ARHGEF18: variants seen among roughly 807,000 people sequenced by gnomAD.
The protein encoded by ARHGEF18 is rho guanine nucleotide exchange factor 18.
A neutral mutation model predicts 155.7 loss-of-function variants in ARHGEF18; 93 were observed. That is an observed-to-expected ratio of 0.60 (90% CI 0.50 to 0.71). The LOEUF (loss-of-function observed/expected upper bound fraction) is 0.71, where lower values mean the gene tolerates loss of function less well. Among genes scored for constraint, ARHGEF18 ranks in the 30% least tolerant of loss-of-function variants. The probability of loss-of-function intolerance (pLI) is 0.00; values close to 1 mark genes in which losing one functional copy is unlikely to be tolerated. For missense variants in ARHGEF18, 1,593 were observed against 1,816.1 expected, an observed-to-expected ratio of 0.88 and a Z score of 2.23; for synonymous variants, 742 against 753.1, an observed-to-expected ratio of 0.99 and a Z score of 0.24.
intron 10 of ARHGEF18, among the ~76,000 whole-genome samples, chr19:7,397,097 GAA>G (rs35973104): frequency 0.021 from 1,305 of 62,308 alleles, 25 homozygotes; most frequent in African/African-American, 0.05. Context: ...GCCTTTTTGC[GAA>G]AAAAAAAAAA....
intron 10 of ARHGEF18, among the ~76,000 whole-genome samples, chr19:7,438,347 C>G (rs1035952259): frequency 3.3e-5 from 5 of 151,514 alleles, no homozygotes; most frequent in Non-Finnish European, 7.4e-5. Flanking sequence ...GCGATCCTTC[C>G]ACCTCTACCT....
intron 10 of ARHGEF18, among the ~76,000 whole-genome samples, chr19:7,409,767 TC>T (rs55941160): frequency 0.66 from 75,648 of 115,172 alleles, 25,305 homozygotes; most frequent in Middle Eastern, 0.82. Context: ...TTTCTTTCTT[TC>T]TTTTTTTTTT....
chr19:7,362,076 G>GAGGAA (rs1969611254), intron 1 of ARHGEF18, among the ~76,000 whole-genome samples: 4 of 22,434 alleles, frequency 1.8e-4, no homozygotes, highest in African/African-American at 6.7e-4. Context: ...AGAAGGAGAA[G>GAGGAA]GAGAAGGAGA....
At chr19:7,460,379 CTGTT>C (rs1976140528) in intron 20 of ARHGEF18, among the ~76,000 whole-genome samples, 1 of 152,188 alleles carries the variant, frequency 6.6e-6, no homozygotes, top group Non-Finnish European at 1.5e-5. Context: ...TTCCTCCTCC[CTGTT>C]TAATTACACG....
chr19:7,473,142 T>C (rs1375636548), downstream of ARHGEF18: 1 of 456,258 alleles, frequency 2.2e-6, no homozygotes, highest in Non-Finnish European at 4.4e-6. Flanking sequence ...AGAGGCAGCT[T>C]GGCCATGAGT....
At chr19:7,406,229 C>T (rs765525315) in intron 10 of ARHGEF18, among the ~76,000 whole-genome samples, 3 of 152,076 alleles carry the variant, frequency 2.0e-5, no homozygotes, top group Non-Finnish European at 1.5e-5. Context: ...GGATTACAGG[C>T]GCGTGCCACC....
In ARHGEF18 at chr19:7,395,025, G is replaced by A. The variant is rs1379606705; in HGVS notation, c.967+11822G>A. 3 of 983,994 alleles carry A rather than the reference G, an allele frequency of 3.0e-6. No individual in the cohort carries two copies. Among genetic ancestry groups the A allele is most frequent in the Admixed American group, 6.1e-5 (1 of 16,268 alleles). 61.0% of individuals were successfully genotyped at this position (983,994 alleles called of 1,614,324 possible). On this transcript the variant is annotated intron_variant, in intron 10 of 28. Coordinates refer to ENST00000668164, the MANE Select transcript of ARHGEF18 (RefSeq NM_001367823.1). The surrounding 1 kb of genome is among the most constrained non-coding windows in gnomAD (Gnocchi z 5.0). ...CGGGGAGCAGCAGCCCCAGGTCCCC[G>A]GGAGCGCCCCGCCCTCGAGGGCACG...
intron 15 of ARHGEF18, among the ~76,000 whole-genome samples, chr19:7,450,827 G>C (rs756589742): frequency 2.0e-5 from 1 of 49,070 alleles, no homozygotes; most frequent in Non-Finnish European, 4.2e-5. Flanking sequence ...ACGGGGTCTT[G>C]CTGTCCGTTT....
intron 8 of ARHGEF18, among the ~76,000 whole-genome samples, chr19:7,382,387 T>C (rs142622643): frequency 0.021 from 3,158 of 148,602 alleles, 102 homozygotes; most frequent in African/African-American, 0.075. Context: ...AGAGTGAGAC[T>C]CTGTCTCAAA....
Position 7,375,861 on chromosome 19 carries a change from C to A in ARHGEF18, c.417C>A (p.Ser139Arg). The A allele has an allele frequency of 8.1e-7, 1 of 1,234,442 alleles. No individual in the cohort carries two copies. Among genetic ancestry groups the A allele is most frequent in the Non-Finnish European group, 1.0e-6 (1 of 988,248 alleles). The allele number at this position is 1,234,442 out of a possible 1,614,324, so 76.5% of individuals were successfully genotyped here. A position where few individuals can be genotyped will look rare whatever the true frequency, so the allele number is the denominator to read the frequency against. Residue 139 changes from serine to arginine, a missense_variant, in exon 4 of 29, where the codon AGC becomes AGA. Ser to Arg is a moderately radical substitution (Grantham distance 110, BLOSUM62 -1). Coordinates refer to ENST00000668164, the MANE Select transcript of ARHGEF18 (RefSeq NM_001367823.1). ...CTGGGGGCGGGACCCCCGCAGAGAG[C>A]CCAGGCAAGGTGGGTATAACCTGCA... ...CLSGGGTPAE[S>R]PGKECDSPKK...
At chr19:7,394,664 G>A (rs1971585190) in intron 10 of ARHGEF18, among the ~76,000 whole-genome samples, 1 of 130,324 alleles carries the variant, frequency 7.7e-6, no homozygotes, top group Non-Finnish European at 1.6e-5. Context: ...TCCTCCCTCA[G>A]GGTCCCCCTA....
At chr19:7,409,057 CTTTTTTTTTT>C (rs1013156166) in intron 10 of ARHGEF18, among the ~76,000 whole-genome samples, 2 of 115,534 alleles carry the variant, frequency 1.7e-5, no homozygotes, top group African/African-American at 7.4e-5. Flanking sequence ...GACCCTGTTT[CTTTTTTTTTT>C]TTTTTTTTTT....
intron 12 of ARHGEF18, 69 bp from the exon 13 acceptor site, chr19:7,441,843 T>G: frequency 6.2e-7 from 1 of 1,612,438 alleles, no homozygotes; most frequent in Non-Finnish European, 8.5e-7. Flanking sequence ...CGTGTCAGCA[T>G]GTCTACGGGA....
At chr19:7,403,375 C>G (rs186497753) in intron 10 of ARHGEF18, among the ~76,000 whole-genome samples, 1 of 152,180 alleles carries the variant, frequency 6.6e-6, no homozygotes, top group African/African-American at 2.4e-5. Context: ...TCCCAGCCCC[C>G]AGCAGCCACG....
At chr19:7,404,293 G>T (rs1319815146) in intron 10 of ARHGEF18, among the ~76,000 whole-genome samples, 4 of 152,062 alleles carry the variant, frequency 2.6e-5, no homozygotes, top group Non-Finnish European at 5.9e-5. Flanking sequence ...TGGCTCCAGG[G>T]AGCCAGTTAG....
chr19:7,351,950 C>A (rs144848805), intron 1 of ARHGEF18, among the ~76,000 whole-genome samples: 2 of 152,140 alleles, frequency 1.3e-5, no homozygotes, highest in South Asian at 2.1e-4. Flanking sequence ...CTGCCTTGGC[C>A]TCCCAAAGTG....
intron 8 of ARHGEF18, 115 bp from the exon 9 acceptor site, chr19:7,382,677 C>A: frequency 1.7e-6 from 1 of 592,342 alleles, no homozygotes; most frequent in Non-Finnish European, 2.5e-6. Flanking sequence ...AGGGGTAAGG[C>A]AGGACCAGGA....
In ARHGEF18 at chr19:7,447,102, C is replaced by T. The variant is rs780069198; in HGVS notation, c.1671C>T (p.His557=). Residue 557 remains histidine (H), a synonymous_variant, in exon 15 of 29, where the codon CAC becomes CAT. Coordinates refer to ENST00000668164, the MANE Select transcript of ARHGEF18 (RefSeq NM_001367823.1). ...AGTACGGTGTGTTTTGTAGTGGCCA[C>T]AATGAAGCTGTTAGTCATTACAAGT... is the stretch of plus-strand genomic sequence containing the variant. ...KEKYGVFCSG[H]NEAVSHYKLL... 27 of 1,613,516 alleles carry T rather than the reference C, an allele frequency of 1.7e-5. No homozygotes were observed. Among genetic ancestry groups the T allele is most frequent in the Non-Finnish European group, 2.1e-5 (25 of 1,179,886 alleles).
At chr19:7,452,825 C>T (rs1842035690) in intron 16 of ARHGEF18, among the ~76,000 whole-genome samples, 1 of 151,622 alleles carries the variant, frequency 6.6e-6, no homozygotes, top group African/African-American at 2.4e-5. Context: ...CAGTAGATGG[C>T]AGAGCTAGTC....
Sources: allele counts gnomAD v4.1 joint callset (sites outside exome capture counted in the v4.1 genomes callset), GRCh38; gene constraint gnomAD v4.1.1; non-coding constraint Gnocchi (gnomAD v3.1); transcripts MANE v1.5; gene names NCBI Gene and HGNC (gene_info 2026-07-23, HGNC 2026-07-21).